SETX: variants seen among roughly 807,000 people sequenced by gnomAD.
The protein encoded by SETX is helicase senataxin.
A neutral mutation model predicts 227.2 loss-of-function variants in SETX; 90 were observed. The observed-to-expected ratio is 0.40, with a 90% CI of 0.33 to 0.47. The LOEUF (loss-of-function observed/expected upper bound fraction) is 0.47, where lower values mean the gene tolerates loss of function less well. SETX is among the 20% of genes least tolerant of loss of function. The pLI is 0.91. For missense variants in SETX, 3,052 were observed against 3,181.5 expected (o/e 0.96, Z 0.98); for synonymous variants, 1,210 against 1,113.2 (o/e 1.09, Z -1.73).
At chr9:132,351,914 C>G (rs1331622526) in intron 2 of SETX, among the ~76,000 whole-genome samples, 2 of 152,086 alleles carry the variant, frequency 1.3e-5, no homozygotes, top group African/African-American at 4.8e-5. Flanking sequence ...GAGCACCCAC[C>G]AAAAAGAGAG....
At chr9:132,338,124 C>T (rs1176057484) in intron 5 of SETX, among the ~76,000 whole-genome samples, 3 of 134,870 alleles carry the variant, frequency 2.2e-5, no homozygotes, top group Admixed American at 1.7e-4. Context: ...CAGAGTCTTA[C>T]TCTATCGCCC....
At chr9:132,337,344 C>T (rs773836037) in intron 5 of SETX, among the ~76,000 whole-genome samples, 6 of 150,102 alleles carry the variant, frequency 4.0e-5, no homozygotes, top group Non-Finnish European at 5.9e-5. Flanking sequence ...CAAAAGAAAT[C>T]AAAGGGCATT....
chr9:132,311,173 G>C (rs543072640), intron 11 of SETX, among the ~76,000 whole-genome samples: 1 of 152,148 alleles, frequency 6.6e-6, no homozygotes, highest in Admixed American at 6.6e-5. Context: ...CACCATGTTG[G>C]CCAGGACGGT....
chr9:132,302,356 CAAAAAAAAA>C (rs35649212), intron 11 of SETX, among the ~76,000 whole-genome samples: 2 of 27,802 alleles, frequency 7.2e-5, no homozygotes, highest in Non-Finnish European at 1.4e-4. Context: ...GAATCCATCT[CAAAAAAAAA>C]AAAAAAAAAA....
Position 132,329,503 on chromosome 9 carries a change from C to G in SETX, c.2095G>C (p.Glu699Gln), listed in dbSNP as rs1182414170. ...LKQSSKNIFT[E>Q]RAEDQIKIST... Reference sequence around the variant, plus strand: ...ATTTTAATTTGATCTTCAGCTCTTTCAGTAAAAATGTTTTTACTACTCTGC... The same window carrying G: ...ATTTTAATTTGATCTTCAGCTCTTTGAGTAAAAATGTTTTTACTACTCTGC... The change falls in exon 10 of 26, where the codon GAA becomes CAA. Residue 699 changes from glutamate (E) to glutamine (Q), a missense_variant. Glu to Gln is a conservative substitution (Grantham distance 29, BLOSUM62 2). Coordinates refer to ENST00000224140, the MANE Select transcript of SETX (RefSeq NM_015046.7). The G allele has an allele frequency of 6.2e-7, 1 of 1,612,190 alleles. No homozygotes were observed. The highest frequency in any genetic ancestry group is 1.3e-5 in the African/African-American group (1 of 74,818).
intron 25 of SETX, 108 bp from the exon 26 acceptor site, chr9:132,265,093 A>T: frequency 4.6e-6 from 6 of 1,303,266 alleles, no homozygotes; most frequent in Non-Finnish European, 6.5e-6. Flanking sequence ...TTATTGTATG[A>T]ACATATTCTC....
intron 25 of SETX, among the ~76,000 whole-genome samples, chr9:132,265,712 C>G (rs1044621955): frequency 7.2e-5 from 11 of 152,212 alleles, no homozygotes; most frequent in African/African-American, 2.7e-4. Context: ...GCAGTGCAGA[C>G]ACAAAACATT....
chr9:132,289,474 T>A (rs1332074172), intron 15 of SETX, among the ~76,000 whole-genome samples: 2 of 152,126 alleles, frequency 1.3e-5, no homozygotes, highest in Non-Finnish European at 2.9e-5. Context: ...GGCCCCCTGG[T>A]TCCCTCCTTT....
At position 132,334,751 on chromosome 9, in the gene SETX, T is replaced by C. The variant is rs563578672; in HGVS notation, c.719-24A>G. The C allele has an allele frequency of 9.8e-5, 158 of 1,613,198 alleles. 1 individual carries two copies. In the South Asian group the frequency reaches 1.7e-3, roughly 17 times the overall value. ...ACCTGTAAGATCATTTAGAGTTATCTTGAATTGATGAAATAATACTATACT... is the reference window on the plus strand; with the variant it reads ...ACCTGTAAGATCATTTAGAGTTATCCTGAATTGATGAAATAATACTATACT... On this transcript the variant is annotated intron_variant, in intron 6 of 25. Transcript: ENST00000224140.
chr9:132,285,093 G>A lies in SETX; in HGVS notation c.6396+1330C>T, dbSNP rs181123394. 6.9e-4 allele frequency among the ~76,000 whole-genome samples: 105 copies of A among 152,108 alleles called. 1 individual carries two copies. In the East Asian group the frequency reaches 0.019, roughly 27 times the overall value. On this transcript the variant is annotated intron_variant, in intron 18 of 25. Transcript: ENST00000224140. ...GGGGTTTCACTGTGTTAGCCAGGAT[G>A]GTCTCAATCTCCTGACCTCGTGATC...
intron 15 of SETX, among the ~76,000 whole-genome samples, chr9:132,295,251 C>T (rs143769689): frequency 6.6e-6 from 1 of 152,306 alleles, no homozygotes; most frequent in African/African-American, 2.4e-5. Flanking sequence ...AGTTTCCCCA[C>T]CTATAAAATA....
rs768421170 is a variant in SETX at position 132,331,271 on chromosome 9, A to C, written c.1010+6T>G. 1 of 1,613,994 alleles carries C rather than the reference A, an allele frequency of 6.2e-7. No homozygotes were observed. Among genetic ancestry groups the C allele is most frequent in the East Asian group, 2.2e-5 (1 of 44,890 alleles). ...ATGTTTAAATCCTGACATTAGCTGA[A>C]CTAACCTTACAGAGCTGTTCCGTAT... On this transcript the variant is annotated splice_donor_region_variant and intron_variant, in intron 8 of 25. Transcript: ENST00000224140.
chr9:132,273,114 C>T (rs991773867), intron 23 of SETX, among the ~76,000 whole-genome samples: 1 of 151,922 alleles, frequency 6.6e-6, no homozygotes, highest in South Asian at 2.1e-4. Flanking sequence ...CAACACAACA[C>T]TAAGTCTTCC....
rs549932919 is a variant in SETX at position 132,263,597 on chromosome 9, T to C, written c.*642A>G. 49 of 152,744 alleles carry C rather than the reference T, an allele frequency of 3.2e-4. No individual in the cohort carries two copies. The highest frequency in any genetic ancestry group is 1.2e-3 in the African/African-American group (48 of 41,554). The allele number at this position is 152,744 out of a possible 1,614,324, so 9.5% of individuals were successfully genotyped here. On this transcript the variant is annotated 3_prime_UTR_variant, in exon 26 of 26. Coordinates refer to ENST00000224140, the MANE Select transcript of SETX (RefSeq NM_015046.7). Reference sequence around the variant, plus strand: ...TGGGCCAATGCACTCTATCTAAAAATGCACCATGTCAGCAAGACTTTACCT... The same window carrying C: ...TGGGCCAATGCACTCTATCTAAAAACGCACCATGTCAGCAAGACTTTACCT...
chr9:132,324,393 AGT>A (rs1846572945), intron 10 of SETX, among the ~76,000 whole-genome samples: 1 of 152,170 alleles, frequency 6.6e-6, no homozygotes, highest in Non-Finnish European at 1.5e-5. Context: ...TGCCATGTAC[AGT>A]GTTAACAACT....
intron 7 of SETX, among the ~76,000 whole-genome samples, chr9:132,333,969 GAAAC>G (rs1466778995): frequency 2.0e-5 from 3 of 151,990 alleles, no homozygotes; most frequent in African/African-American, 4.8e-5. Context: ...GAACCACAGA[GAAAC>G]AAAGAGGCAG....
At chr9:132,312,054 G>T (rs1845699275) in intron 10 of SETX, among the ~76,000 whole-genome samples, 198 bp from the exon 11 acceptor site, 1 of 152,132 alleles carries the variant, frequency 6.6e-6, no homozygotes, top group Non-Finnish European at 1.5e-5. Context: ...GCTACATCTG[G>T]TTATTTACAT....
chr9:132,330,944 T>A (rs1216696452), intron 9 of SETX, 108 bp downstream of exon 9: 1 of 867,608 alleles, frequency 1.2e-6, no homozygotes, highest in Non-Finnish European at 1.9e-6. Context: ...AGCAGTAGAT[T>A]GAGAACAGCT....
intron 25 of SETX, among the ~76,000 whole-genome samples, chr9:132,267,725 G>A (rs1842715792): frequency 1.3e-5 from 2 of 152,342 alleles, no homozygotes; most frequent in South Asian, 4.1e-4. Flanking sequence ...GTGCAAGTGT[G>A]ACCCAGGGGC....
Sources: gnomAD v4.1 joint callset for allele counts (sites outside exome capture counted in the v4.1 genomes callset) on GRCh38, gnomAD v4.1.1 for gene constraint, MANE v1.5 for transcripts, NCBI Gene and HGNC (gene_info 2026-07-23, HGNC 2026-07-21) for gene names.